The following DOCK4 variants were observed in gnomAD, a reference collection of about 807,000 sequenced individuals.
DOCK4 encodes the protein dedicator of cytokinesis 4.
A neutral mutation model predicts 268.1 loss-of-function variants in DOCK4; 97 were observed. The ratio of observed to expected loss-of-function variants is 0.36; its 90% CI spans 0.31 to 0.43. The LOEUF (loss-of-function observed/expected upper bound fraction) is 0.43, where lower values mean the gene tolerates loss of function less well. DOCK4 is among the 20% of genes least tolerant of loss of function. The probability of loss-of-function intolerance (pLI) is 1.00; values close to 1 mark genes in which losing one functional copy is unlikely to be tolerated. For synonymous variants in DOCK4, 954 were observed against 887.2 expected (o/e 1.08, Z -1.34); for missense variants, 2,145 against 2,455.7 (o/e 0.87, Z 2.67).
At position 111,991,918 on chromosome 7, in the gene DOCK4, G is replaced by A. The variant is rs57801433; in HGVS notation, c.315+2217C>T. On this transcript the variant is annotated intron_variant, in intron 5 of 52. Transcript: ENST00000428084. ...GGAGCTTGCAGTGAGCCAAGATTGC[G>A]CCACTGCACTCCAGCCTGGGCAACA... Among the ~76,000 whole-genome samples the A allele has an allele frequency of 6.3e-3, 803 of 128,184 alleles. 9 individuals carry two copies. Among genetic ancestry groups the A allele is most frequent in the African/African-American group, 0.022 (737 of 33,226 alleles). 84.1% of individuals were successfully genotyped at this position (128,184 alleles called of 152,430 possible).
intron 25 of DOCK4, among the ~76,000 whole-genome samples, chr7:111,835,148 T>A (rs1304224406): frequency 6.6e-6 from 1 of 152,146 alleles, no homozygotes; most frequent in Non-Finnish European, 1.5e-5. Flanking sequence ...CCCAAGTCAC[T>A]CAGCTAGAAA....
chr7:111,999,676 T>G (rs918763908), intron 3 of DOCK4, among the ~76,000 whole-genome samples: 1 of 151,928 alleles, frequency 6.6e-6, no homozygotes, highest in Non-Finnish European at 1.5e-5. Context: ...TTAAACACAG[T>G]TGAATGATCC....
chr7:111,914,508 C>G (rs1220276851), intron 13 of DOCK4, among the ~76,000 whole-genome samples: 1 of 152,184 alleles, frequency 6.6e-6, no homozygotes. Context: ...ATCCCCAGTA[C>G]TGTATTTTGA....
intron 27 of DOCK4, 95 bp downstream of exon 27, chr7:111,822,267 A>G: frequency 1.9e-6 from 2 of 1,080,924 alleles, no homozygotes; most frequent in Non-Finnish European, 1.3e-6. Flanking sequence ...GCAAAAAAAA[A>G]ACTGCAAACT....
chr7:111,992,576 TA>T (rs1799624613), intron 5 of DOCK4, among the ~76,000 whole-genome samples: 1 of 152,222 alleles, frequency 6.6e-6, no homozygotes, highest in Non-Finnish European at 1.5e-5. Context: ...AGTTTACTTA[TA>T]GAGTTTACAA....
In DOCK4 at chr7:112,206,329, C is replaced by G; in HGVS notation, c.-191G>C. ...TTGACACTGCGCCGCCCGCAGCTCTCCCGGCGGCGGCTGCTCACAGTCCTC... is the reference window on the plus strand; with the variant it reads ...TTGACACTGCGCCGCCCGCAGCTCTGCCGGCGGCGGCTGCTCACAGTCCTC... On this transcript the variant is annotated 5_prime_UTR_variant, in exon 1 of 53. Coordinates refer to ENST00000428084, the MANE Select transcript of DOCK4 (RefSeq NM_001363540.2). 1.6e-6 allele frequency: 1 copy of G among 622,686 alleles called. No individual in the cohort carries two copies. Among genetic ancestry groups the G allele is most frequent in the Non-Finnish European group, 2.8e-6 (1 of 362,340 alleles). The allele number at this position is 622,686 out of a possible 1,614,324, so 38.6% of individuals were successfully genotyped here.
At chr7:111,738,033 C>T (rs1424493889) in intron 49 of DOCK4, among the ~76,000 whole-genome samples, 5 of 152,182 alleles carry the variant, frequency 3.3e-5, no homozygotes, top group Non-Finnish European at 2.9e-5. Flanking sequence ...CAGACTTCTG[C>T]CAGGATGGTG....
At chr7:111,899,375 T>C (rs1399131026) in intron 15 of DOCK4, among the ~76,000 whole-genome samples, 1 of 152,190 alleles carries the variant, frequency 6.6e-6, no homozygotes, top group Admixed American at 6.5e-5. Flanking sequence ...TTTGTTGTAC[T>C]GCTCCCAAAG....
intron 12 of DOCK4, among the ~76,000 whole-genome samples, chr7:111,918,810 C>T (rs114350843): frequency 1.8e-4 from 28 of 152,280 alleles, no homozygotes; most frequent in African/African-American, 5.1e-4. Context: ...CAAATCCTGA[C>T]GTACTATATG....
chr7:111,728,368 A>G lies in DOCK4; in HGVS notation c.5834T>C (p.Leu1945Pro). ...SEPPALPPKPLAARSSHLENG... is the reference protein window; with the variant it reads ...SEPPALPPKPPAARSSHLENG... ...CTCCAGGTGGCTGGATCGCGCTGCC[A>G]GAGGCTTGGGGGGCAGCGCGGGCGG... is the stretch of plus-strand genomic sequence containing the variant. Residue 1945 changes from leucine to proline, a missense_variant, in exon 53 of 53, where the codon CTG becomes CCG. Physicochemically the swap from Leu to Pro is moderately conservative, Grantham distance 98 (BLOSUM62 -3). Coordinates refer to ENST00000428084, the MANE Select transcript of DOCK4 (RefSeq NM_001363540.2). 1 of 1,528,836 alleles carries G rather than the reference A, an allele frequency of 6.5e-7. No individual in the cohort carries two copies. Among genetic ancestry groups the G allele is most frequent in the Non-Finnish European group, 8.8e-7 (1 of 1,139,680 alleles). The allele number at this position is 1,528,836 out of a possible 1,614,324, so 94.7% of individuals were successfully genotyped here.
At chr7:112,120,247 T>A (rs749205541) in intron 1 of DOCK4, among the ~76,000 whole-genome samples, 9 of 152,174 alleles carry the variant, frequency 5.9e-5, no homozygotes, top group Non-Finnish European at 1.0e-4. Flanking sequence ...GCTAAAACTC[T>A]GAACAGTAAA....
chr7:111,762,428 C>T (rs1797467247), intron 39 of DOCK4, among the ~76,000 whole-genome samples: 1 of 152,090 alleles, frequency 6.6e-6, no homozygotes, highest in Admixed American at 6.5e-5. Flanking sequence ...TATGGATTTG[C>T]CTATTATGGA....
intron 25 of DOCK4, among the ~76,000 whole-genome samples, chr7:111,841,593 G>C (rs1803700844): frequency 6.6e-6 from 1 of 152,020 alleles, no homozygotes; most frequent in South Asian, 2.1e-4. Context: ...AAGTCTTAAA[G>C]CATAAAAGCA....
chr7:111,913,835 CTG>C (rs1276041167), intron 13 of DOCK4, among the ~76,000 whole-genome samples: 1 of 151,730 alleles, frequency 6.6e-6, no homozygotes, highest in Non-Finnish European at 1.5e-5. Context: ...TGAGCAATGA[CTG>C]TGCCACTGCA....
intron 35 of DOCK4, among the ~76,000 whole-genome samples, chr7:111,782,431 T>C (rs1798840059): frequency 6.6e-6 from 1 of 152,196 alleles, no homozygotes. Flanking sequence ...AAGAGATCAC[T>C]AATATTTATC....
Position 111,812,223 on chromosome 7 carries a change from TAATGTTTTTTGTTAA to T in DOCK4, c.2931-289_2931-275del, listed in dbSNP as rs555955595. ...AATATATTATCACCTTGATGTTTTG[TAATGTTTTTTGTTAA>T]TTTCCAAACAAAGCAAAATGATTTA... On this transcript the variant is annotated intron_variant, in intron 27 of 52. Coordinates refer to ENST00000428084, the MANE Select transcript of DOCK4 (RefSeq NM_001363540.2). 8.9e-3 allele frequency among the ~76,000 whole-genome samples: 1,350 copies of T among 152,360 alleles called. 10 individuals carry two copies. Among genetic ancestry groups the T allele is most frequent in the Non-Finnish European group, 0.014 (980 of 68,034 alleles).
intron 16 of DOCK4, among the ~76,000 whole-genome samples, chr7:111,881,499 A>G (rs1807386286): frequency 6.6e-6 from 1 of 152,164 alleles, no homozygotes; most frequent in South Asian, 2.1e-4. Context: ...TATAACCACT[A>G]TGGAGAAGAG....
rs549662469 is a variant in DOCK4 at position 112,140,830 on chromosome 7, G to A, written c.37+65272C>T. Among the ~76,000 whole-genome samples, 19 of 152,064 alleles carry A rather than the reference G, an allele frequency of 1.2e-4. No homozygotes were observed. In the South Asian group the frequency reaches 3.7e-3, roughly 30 times the overall value. On this transcript the variant is annotated intron_variant, in intron 1 of 52. Transcript: ENST00000428084. ...ACACACAGAACCACATGGCAGAGAT[G>A]TTTTCAGAACCTGCATTAATAGCTA...
intron 30 of DOCK4, among the ~76,000 whole-genome samples, chr7:111,792,929 T>A (rs1345474831): frequency 6.6e-6 from 1 of 152,162 alleles, no homozygotes; most frequent in Non-Finnish European, 1.5e-5. Context: ...TTTTCATATC[T>A]TGGCACAGAA....
Sources: gnomAD v4.1 joint callset for allele counts (sites outside exome capture counted in the v4.1 genomes callset) on GRCh38, gnomAD v4.1.1 for gene constraint, MANE v1.5 for transcripts, NCBI Gene and HGNC (gene_info 2026-07-23, HGNC 2026-07-21) for gene names.